Variants in MACROD1 observed in about 807,000 individuals in gnomAD.
MACROD1 encodes the protein mono-ADP ribosylhydrolase 1, also known as ADP-ribose glycohydrolase MACROD1.
Under a neutral mutation model 41.4 loss-of-function variants are expected in MACROD1, and 31 were observed. The ratio of observed to expected loss-of-function variants is 0.75; its 90% CI spans 0.56 to 1.01. The LOEUF is 1.01. Among genes scored for constraint, MACROD1 ranks in the 50% least tolerant of loss-of-function variants. The probability of loss-of-function intolerance (pLI) is 0.00; values close to 1 mark genes in which losing one functional copy is unlikely to be tolerated. For missense variants in MACROD1, 473 were observed against 460.0 expected (o/e 1.03, Z -0.26); for synonymous variants, 252 against 203.4 (o/e 1.24, Z -2.03).
At chr11:64,007,716 C>G (rs775828860) in intron 4 of MACROD1, among the ~76,000 whole-genome samples, 3 of 152,220 alleles carry the variant, frequency 2.0e-5, no homozygotes, top group African/African-American at 2.4e-5. Flanking sequence ...CCCCCTCCCC[C>G]CTCGCCCTTT....
intron 3 of MACROD1, among the ~76,000 whole-genome samples, chr11:64,110,185 C>T (rs962228032): frequency 6.6e-6 from 1 of 152,136 alleles, no homozygotes; most frequent in Non-Finnish European, 1.5e-5. Flanking sequence ...CGTGGTGGCT[C>T]ACGCGTATAA....
intron 3 of MACROD1, among the ~76,000 whole-genome samples, chr11:64,018,564 T>C (rs1245134126): frequency 1.3e-5 from 2 of 152,094 alleles, no homozygotes; most frequent in Admixed American, 6.5e-5. Flanking sequence ...GCAGGGCCTC[T>C]CAGGTCTCCC....
rs987019253 is a variant in MACROD1, at chr11:64,015,336, A to G, written c.518-55T>C. The G allele has an allele frequency of 5.2e-6, 8 of 1,544,566 alleles. No individual in the cohort carries two copies. The African/African-American group carries it at 6.8e-5, about 13-fold the overall frequency. ...GTGGGGAAGGGGCTGCGGCGGGAGTATCAGCCTTGAGGGGAGGGTGATGTC... is the reference window on the plus strand; with the variant it reads ...GTGGGGAAGGGGCTGCGGCGGGAGTGTCAGCCTTGAGGGGAGGGTGATGTC... On this transcript the variant is annotated intron_variant, in intron 3 of 10. Coordinates refer to ENST00000255681, the MANE Select transcript of MACROD1 (RefSeq NM_014067.4).
At chr11:64,125,255 T>C (rs1945160640) in intron 3 of MACROD1, among the ~76,000 whole-genome samples, 1 of 151,564 alleles carries the variant, frequency 6.6e-6, no homozygotes, top group South Asian at 2.1e-4. Flanking sequence ...CACAGTGCCC[T>C]GGCCCCCCTG....
chr11:64,133,175 G>A (rs112688057), intron 3 of MACROD1, among the ~76,000 whole-genome samples: 2 of 152,224 alleles, frequency 1.3e-5, no homozygotes, highest in African/African-American at 4.8e-5. Flanking sequence ...GAGCCCCCAC[G>A]CTATGCCCCT....
intron 3 of MACROD1, among the ~76,000 whole-genome samples, chr11:64,086,405 C>T (rs980411496): frequency 1.3e-5 from 2 of 151,942 alleles, no homozygotes; most frequent in Admixed American, 1.3e-4. Context: ...GAGGATGGAA[C>T]ATTCCCTCCC....
At chr11:64,000,052 TC>T in intron 5 of MACROD1, 174 bp downstream of exon 5, 3 of 635,258 alleles carry the variant, frequency 4.7e-6, no homozygotes, top group South Asian at 3.9e-5. Context: ...ACGCACGGTC[TC>T]CCCCATGTGC....
chr11:64,163,846 CACCCCCGAA>C (rs1945793622), intron 1 of MACROD1, among the ~76,000 whole-genome samples: 1 of 152,218 alleles, frequency 6.6e-6, no homozygotes, highest in Non-Finnish European at 1.5e-5. Flanking sequence ...CTCCACATCT[CACCCCCGAA>C]AGCGTCCCTC....
rs1478101861 is a variant in MACROD1, at chr11:63,999,674, C to T, written c.754G>A (p.Asp252Asn). 1.2e-6 allele frequency: 2 copies of T among 1,609,528 alleles called. No individual in the cohort carries two copies. The highest frequency in any genetic ancestry group is 1.3e-5 in the African/African-American group (1 of 74,980). ...CGGAGCCGGTGCTCCAGCAGCAGGTCCAGACTGCTCAGGTAGCAGCTGCGG... is the reference window on the plus strand; with the variant it reads ...CGGAGCCGGTGCTCCAGCAGCAGGTTCAGACTGCTCAGGTAGCAGCTGCGG... ...ELRSCYLSSL[D>N]LLLEHRLRSV... The change falls in exon 6 of 11, where the codon GAC becomes AAC. Residue 252 changes from aspartate to asparagine, a missense_variant. Transcript: ENST00000255681.
intron 1 of MACROD1, among the ~76,000 whole-genome samples, chr11:64,159,519 G>A (rs540206462): frequency 7.2e-4 from 105 of 145,354 alleles, no homozygotes; most frequent in Non-Finnish European, 1.5e-3. Context: ...AACAGGCCAG[G>A]CACGGTGGCT....
chr11:64,104,770 C>T (rs1052158348), intron 3 of MACROD1, among the ~76,000 whole-genome samples: 4 of 152,178 alleles, frequency 2.6e-5, no homozygotes, highest in Non-Finnish European at 5.9e-5. Flanking sequence ...TTGTTGGTTA[C>T]TGGAGCAAGC....
intron 3 of MACROD1, among the ~76,000 whole-genome samples, chr11:64,093,751 G>T (rs1253203680): frequency 6.6e-6 from 1 of 152,226 alleles, no homozygotes; most frequent in Non-Finnish European, 1.5e-5. Context: ...GTGGCTGTGT[G>T]TCTCTAAGAG....
intron 3 of MACROD1, among the ~76,000 whole-genome samples, chr11:64,057,980 C>T (rs1943822241): frequency 6.6e-6 from 1 of 152,246 alleles, no homozygotes; most frequent in African/African-American, 2.4e-5. Flanking sequence ...TGCCACCCCA[C>T]CTTGTGCTCA....
intron 3 of MACROD1, among the ~76,000 whole-genome samples, chr11:64,102,795 T>A (rs1359377722): frequency 2.0e-5 from 3 of 151,880 alleles, no homozygotes; most frequent in African/African-American, 7.3e-5. Context: ...CCAGGCTGGG[T>A]ACAGTGGCTC....
At chr11:64,018,465 G>A (rs1228612052) in intron 3 of MACROD1, among the ~76,000 whole-genome samples, 1 of 152,084 alleles carries the variant, frequency 6.6e-6, no homozygotes, top group Non-Finnish European at 1.5e-5. Context: ...ATGGCCCGGA[G>A]GCTTGCAGAG....
intron 3 of MACROD1, among the ~76,000 whole-genome samples, chr11:64,121,756 C>T (rs1466341176): frequency 6.6e-6 from 1 of 152,232 alleles, no homozygotes; most frequent in Non-Finnish European, 1.5e-5. Context: ...ACGTCCGCGG[C>T]TGGGCTGACC....
intron 3 of MACROD1, among the ~76,000 whole-genome samples, chr11:64,045,318 T>C (rs1331343858): frequency 6.6e-6 from 1 of 152,220 alleles, no homozygotes; most frequent in African/African-American, 2.4e-5. Context: ...TGGCAGCAGC[T>C]CCTGGAATCC....
intron 3 of MACROD1, among the ~76,000 whole-genome samples, chr11:64,103,028 G>A (rs1223899026): frequency 3.3e-5 from 5 of 151,550 alleles, no homozygotes; most frequent in South Asian, 2.1e-4. Context: ...CCGAGATTGT[G>A]CCACTGCACT....
intron 3 of MACROD1, among the ~76,000 whole-genome samples, chr11:64,076,064 C>A (rs1425127067): frequency 6.6e-6 from 1 of 152,240 alleles, no homozygotes; most frequent in Non-Finnish European, 1.5e-5. Context: ...CTTCCCACAG[C>A]CTCCTGGTGG....
Sources: gnomAD v4.1 joint callset for allele counts (sites outside exome capture counted in the v4.1 genomes callset) on GRCh38, gnomAD v4.1.1 for gene constraint, MANE v1.5 for transcripts, NCBI Gene and HGNC (gene_info 2026-07-23, HGNC 2026-07-21) for gene names.